The following PCCA variants were observed in gnomAD, a reference collection of about 807,000 sequenced individuals.
The protein encoded by PCCA is propionyl-CoA carboxylase alpha chain, mitochondrial.
Under a neutral mutation model 101.3 loss-of-function variants are expected in PCCA, and 74 were observed. That is an observed-to-expected ratio of 0.73 (90% CI 0.61 to 0.89). The LOEUF (loss-of-function observed/expected upper bound fraction) is 0.89, where lower values mean the gene tolerates loss of function less well. PCCA is among the 40% of genes least tolerant of loss of function. The pLI is 0.00. For synonymous variants in PCCA, 294 were observed against 313.6 expected (o/e 0.94, Z 0.66); for missense variants, 891 against 907.0 (o/e 0.98, Z 0.23).
chr13:100,309,116 T>TA (rs2066702601), intron 15 of PCCA, among the ~76,000 whole-genome samples: 2 of 152,158 alleles, frequency 1.3e-5, no homozygotes, highest in Non-Finnish European at 2.9e-5. Flanking sequence ...TGTTAAGGGC[T>TA]GGACGCAGTG....
chr13:100,089,205 G>T lies in PCCA; in HGVS notation c.85G>T (p.Ala29Ser), dbSNP rs771037080. Residue 29 changes from alanine (A) to serine (S), a missense_variant, in exon 1 of 24, where the codon GCG (alanine) becomes TCG (serine). Transcript: ENST00000376285. The stretch of plus-strand genomic sequence containing the variant: ...GCCGCCGCAGCAGCTGATGCTGAGC[G>T]CGGCGCTGCGGACCCTGAAGGTGAG... ...RWPPQQLMLS[A>S]ALRTLKHVLY... is the part of the protein sequence containing the mutation. The T allele has an allele frequency of 2.6e-6, 4 of 1,523,348 alleles. No homozygotes were observed. The highest frequency in any genetic ancestry group is 3.5e-6 in the Non-Finnish European group (4 of 1,136,846). The allele number at this position is 1,523,348 out of a possible 1,614,324, so 94.4% of individuals were successfully genotyped here.
chr13:100,230,201 T>C (rs1273634791), intron 7 of PCCA, among the ~76,000 whole-genome samples: 2 of 152,120 alleles, frequency 1.3e-5, no homozygotes, highest in Non-Finnish European at 2.9e-5. Flanking sequence ...TATGTGTTCA[T>C]GTGGCAATGA....
intron 8 of PCCA, among the ~76,000 whole-genome samples, chr13:100,253,392 G>A (rs1347236439): frequency 6.6e-6 from 1 of 152,144 alleles, no homozygotes; most frequent in Non-Finnish European, 1.5e-5. Flanking sequence ...AGCCAGATAA[G>A]GCTTATAGTG....
chr13:100,286,851 TTGTA>T (rs746131888), intron 12 of PCCA, among the ~76,000 whole-genome samples: 4 of 152,092 alleles, frequency 2.6e-5, no homozygotes, highest in African/African-American at 9.7e-5. Context: ...CTTTTTAACT[TTGTA>T]TGTGTTTTTT....
chr13:100,399,912 C>T (rs945752476), intron 19 of PCCA, among the ~76,000 whole-genome samples: 1 of 152,122 alleles, frequency 6.6e-6, no homozygotes, highest in African/African-American at 2.4e-5. Context: ...AACCAAAGTA[C>T]TGTAAATGTG....
intron 19 of PCCA, among the ~76,000 whole-genome samples, chr13:100,424,791 C>T (rs1595857793): frequency 6.6e-6 from 1 of 152,226 alleles, no homozygotes; most frequent in East Asian, 1.9e-4. Context: ...GATCATATAT[C>T]ATAGTTCTGC....
At chr13:100,522,518 G>T (rs2087387139) in intron 22 of PCCA, among the ~76,000 whole-genome samples, 1 of 152,154 alleles carries the variant, frequency 6.6e-6, no homozygotes, top group Non-Finnish European at 1.5e-5. Flanking sequence ...GGCTTCCTGG[G>T]GGGCGGGGCG....
At chr13:100,409,923 C>T (rs992391313) in intron 19 of PCCA, among the ~76,000 whole-genome samples, 2 of 151,948 alleles carry the variant, frequency 1.3e-5, no homozygotes, top group African/African-American at 4.8e-5. Context: ...CCATGCCCAG[C>T]TAATTTTTGT....
intron 4 of PCCA, among the ~76,000 whole-genome samples, chr13:100,119,809 C>A (rs1374659411): frequency 1.3e-5 from 2 of 152,116 alleles, no homozygotes; most frequent in Non-Finnish European, 1.5e-5. Flanking sequence ...TATTGAGATT[C>A]CCACCTTCAC....
chr13:100,325,580 G>A (rs1463505572), intron 16 of PCCA, among the ~76,000 whole-genome samples: 1 of 152,218 alleles, frequency 6.6e-6, no homozygotes, highest in Non-Finnish European at 1.5e-5. Flanking sequence ...GTAGGGAAAA[G>A]AAGCAAGCAT....
At chr13:100,392,809 A>C (rs1044024896) in intron 19 of PCCA, among the ~76,000 whole-genome samples, 1 of 152,212 alleles carries the variant, frequency 6.6e-6, no homozygotes, top group African/African-American at 2.4e-5. Flanking sequence ...TTTGGAGAAA[A>C]AAGTCACAGA....
rs759203419 is a variant in PCCA at position 100,111,896 on chromosome 13, GAATTT to G, written c.231+9_231+13del. ...GGAGAAATTGCATGTCGGGTGAGTA[GAATTT>G]TCGTCTTATTTTCCATTTTACTCTG... On this transcript the variant is annotated intron_variant, in intron 3 of 23. Transcript: ENST00000376285. 1 of 1,609,272 alleles carries G rather than the reference GAATTT, an allele frequency of 6.2e-7. No individual in the cohort carries two copies. Among genetic ancestry groups the G allele is most frequent in the Admixed American group, 1.7e-5 (1 of 59,960 alleles).
chr13:100,358,440 T>C (rs146137583), intron 18 of PCCA, among the ~76,000 whole-genome samples: 2,140 of 152,274 alleles, frequency 0.014, 47 homozygotes, highest in African/African-American at 0.049. Context: ...AAAGTAGCTA[T>C]TAAAATCATT....
At chr13:100,180,505 A>T (rs2056694370) in intron 6 of PCCA, among the ~76,000 whole-genome samples, 1 of 152,208 alleles carries the variant, frequency 6.6e-6, no homozygotes, top group Non-Finnish European at 1.5e-5. Context: ...ATTGAAAAAC[A>T]GCCCCATAAG....
At chr13:100,105,296 G>A (rs1420356296) in intron 2 of PCCA, among the ~76,000 whole-genome samples, 3 of 152,152 alleles carry the variant, frequency 2.0e-5, no homozygotes, top group African/African-American at 7.2e-5. Context: ...TCCCTGTTAT[G>A]AAAGCTGTAG....
chr13:100,111,766 A>C (rs1244350175), intron 2 of PCCA, 75 bp from the exon 3 acceptor site: 3 of 911,390 alleles, frequency 3.3e-6, no homozygotes, highest in Non-Finnish European at 5.4e-6. Context: ...TGTTGGAAAA[A>C]CTTGGTGTTT....
intron 8 of PCCA, among the ~76,000 whole-genome samples, chr13:100,255,005 G>T (rs896848672): frequency 3.3e-5 from 5 of 152,134 alleles, no homozygotes; most frequent in African/African-American, 1.2e-4. Flanking sequence ...AGGGTTGCTT[G>T]AGTCTAAGAG....
At chr13:100,421,600 A>G (rs918333736) in intron 19 of PCCA, among the ~76,000 whole-genome samples, 10 of 152,018 alleles carry the variant, frequency 6.6e-5, no homozygotes, top group South Asian at 4.1e-4. Flanking sequence ...TACTTAGACT[A>G]TATTGCTGTG....
intron 4 of PCCA, among the ~76,000 whole-genome samples, chr13:100,134,486 G>T (rs575018605): frequency 5.1e-4 from 78 of 152,172 alleles, no homozygotes; most frequent in Non-Finnish European, 9.1e-4. Flanking sequence ...GGGAAGAATT[G>T]ACATTTTCCA....
Sources: allele counts gnomAD v4.1 joint callset (sites outside exome capture counted in the v4.1 genomes callset), GRCh38; gene constraint gnomAD v4.1.1; transcripts MANE v1.5; gene names NCBI Gene and HGNC (gene_info 2026-07-23, HGNC 2026-07-21).